MID1: variants seen among roughly 807,000 people sequenced by gnomAD.
MID1 encodes midline 1.
In MID1, 7 loss-of-function variants were observed where a neutral mutation model predicts 40.4. The ratio of observed to expected loss-of-function variants is 0.17; its 90% CI spans 0.10 to 0.33. The LOEUF is 0.33. MID1 is among the 10% of genes least tolerant of loss of function. The pLI is 1.00. For missense variants in MID1, 367 were observed against 558.5 expected (o/e 0.66, Z 3.46); for synonymous variants, 229 against 221.2 (o/e 1.04, Z -0.31).
chrX:10,632,254 C>T (rs1460414872), intron 1 of MID1, among the ~76,000 whole-genome samples: 4 of 111,722 alleles, frequency 3.6e-5, no homozygotes, highest in Admixed American at 2.9e-4. Flanking sequence ...AAAAAACAAA[C>T]GTAAATGAGC....
At chrX:10,760,186 G>A (rs1322422047) in intron 1 of MID1, among the ~76,000 whole-genome samples, 1 of 111,850 alleles carries the variant, frequency 8.9e-6, no homozygotes. Context: ...GGCAGGTGAA[G>A]GCTTGCACTC....
chrX:10,488,976 T>C (rs982263017), intron 4 of MID1, among the ~76,000 whole-genome samples: 1 of 110,362 alleles, frequency 9.1e-6, no homozygotes, highest in Non-Finnish European at 1.9e-5. Flanking sequence ...TCTCTCTCTA[T>C]ATATATATAT....
intron 7 of MID1, among the ~76,000 whole-genome samples, chrX:10,460,813 C>CT (rs1402830253): frequency 3.6e-5 from 4 of 110,999 alleles, no homozygotes; most frequent in African/African-American, 9.8e-5. Context: ...GTCCCTTAAT[C>CT]TTTTTTTGGT....
intron 1 of MID1, among the ~76,000 whole-genome samples, chrX:10,655,234 G>T (rs1320877508): frequency 9.0e-6 from 1 of 111,702 alleles, no homozygotes; most frequent in African/African-American, 3.3e-5. Context: ...CCAGAGAAAG[G>T]CAAAGAAAAC....
At position 10,713,113 on chromosome X, in the gene MID1, T is replaced by C. The variant is rs916657897; in HGVS notation, c.-186-92694A>G. Among the ~76,000 whole-genome samples the C allele has an allele frequency of 4.5e-5, 5 of 110,386 alleles. No individual in the cohort carries two copies. The East Asian group carries it at 8.7e-4, about 19-fold the overall frequency. Reference sequence around the variant, plus strand: ...GCCTCCCAAAGTGCTGGGATTACAGTTGTGAGCCACCACACCCGGCCAGCA... The same window carrying C: ...GCCTCCCAAAGTGCTGGGATTACAGCTGTGAGCCACCACACCCGGCCAGCA... On this transcript the variant is annotated intron_variant, in intron 1 of 10. Coordinates refer to the MID1 transcript ENST00000380785.
At chrX:10,612,382 C>G (rs899663533) in intron 1 of MID1, among the ~76,000 whole-genome samples, 1 of 112,029 alleles carries the variant, frequency 8.9e-6, no homozygotes, top group Non-Finnish European at 1.9e-5. Context: ...CTTTCCCCAT[C>G]ATATGTTGAC....
chrX:10,675,495 C>G (rs2043016764), intron 1 of MID1, among the ~76,000 whole-genome samples: 1 of 111,258 alleles, frequency 9.0e-6, no homozygotes, highest in Admixed American at 9.6e-5. Flanking sequence ...TCTGCCACTT[C>G]TCTCTTCTTC....
At chrX:10,578,327 T>C (rs1602429216) in intron 1 of MID1, among the ~76,000 whole-genome samples, 1 of 112,787 alleles carries the variant, frequency 8.9e-6, no homozygotes, top group East Asian at 2.8e-4. Context: ...ACATGGCTTT[T>C]GTTAAAACAA....
intron 1 of MID1, among the ~76,000 whole-genome samples, chrX:10,594,990 C>T (rs1303030987): frequency 1.8e-5 from 2 of 111,533 alleles, no homozygotes; most frequent in Admixed American, 9.5e-5. Context: ...TTCATATATC[C>T]ATAACTGGCA....
At chrX:10,482,060 T>A (rs527391511) in intron 5 of MID1, among the ~76,000 whole-genome samples, 29 of 110,528 alleles carry the variant, frequency 2.6e-4, no homozygotes, top group South Asian at 7.7e-4. Flanking sequence ...TGTGTGATTT[T>A]AAAAAAAAAT....
intron 1 of MID1, among the ~76,000 whole-genome samples, chrX:10,672,753 T>C (rs776976355): frequency 7.2e-5 from 8 of 111,505 alleles, no homozygotes; most frequent in Non-Finnish European, 1.3e-4. Context: ...GGCATGATTA[T>C]AGCTCATTGC....
At chrX:10,638,369 G>A (rs1394441739) in intron 1 of MID1, among the ~76,000 whole-genome samples, 4 of 112,296 alleles carry the variant, frequency 3.6e-5, no homozygotes, top group Non-Finnish European at 3.8e-5. Context: ...TCCTGCGCAT[G>A]GCTCGGAGGG....
Position 10,447,063 on chromosome X carries a change from GC to G in MID1, c.*2304del, listed in dbSNP as rs1928074439. On this transcript the variant is annotated 3_prime_UTR_variant, in exon 10 of 10. Coordinates refer to ENST00000317552, the MANE Select transcript of MID1 (RefSeq NM_000381.4). Reference sequence around the variant, plus strand: ...ATCATTATAGTAATTAAACACGGTGGCCTTTCACCATATACATATTTTCCTG... The same window carrying G: ...ATCATTATAGTAATTAAACACGGTGGCTTTCACCATATACATATTTTCCTG... 3 of 111,384 alleles carry G rather than the reference GC, an allele frequency of 2.7e-5. No individual in the cohort carries two copies. The Admixed American group carries it at 2.9e-4, about 11-fold the overall frequency. The allele number at this position is 111,384 out of a possible 1,213,427, so 9.2% of individuals were successfully genotyped here.
chrX:10,666,100 TA>T (rs752113089), intron 1 of MID1, among the ~76,000 whole-genome samples: 13 of 107,120 alleles, frequency 1.2e-4, no homozygotes, highest in Non-Finnish European at 1.9e-4. Context: ...TAAGTAAAAA[TA>T]AAAAAAGAGA....
chrX:10,701,103 TACTC>T (rs1293448092), intron 1 of MID1, among the ~76,000 whole-genome samples: 1 of 111,393 alleles, frequency 9.0e-6, no homozygotes, highest in African/African-American at 3.3e-5. Context: ...GAAAAGTAAA[TACTC>T]ACTCTAAAGC....
At chrX:10,671,915 C>T (rs1386794415) in intron 1 of MID1, among the ~76,000 whole-genome samples, 1 of 111,302 alleles carries the variant, frequency 9.0e-6, no homozygotes. Context: ...GGAATAAATA[C>T]ATATCAAGTT....
intron 7 of MID1, chrX:10,469,295 G>T: frequency 1.1e-6 from 1 of 889,113 alleles, no homozygotes; most frequent in Non-Finnish European, 1.4e-6. Context: ...GTTGCCCAGG[G>T]TTTATAGTTT....
intron 1 of MID1, among the ~76,000 whole-genome samples, chrX:10,696,128 A>T (rs1314893627): frequency 9.0e-6 from 1 of 111,593 alleles, no homozygotes; most frequent in Non-Finnish European, 1.9e-5. Context: ...CTTCCTGATA[A>T]GATCTCAGGA....
intron 1 of MID1, among the ~76,000 whole-genome samples, chrX:10,760,655 T>A (rs1020219512): frequency 9.0e-6 from 1 of 111,174 alleles, no homozygotes; most frequent in Non-Finnish European, 1.9e-5. Context: ...AAACCCCATC[T>A]CTACCAAAAA....
Sources: gnomAD v4.1 joint callset for allele counts (sites outside exome capture counted in the v4.1 genomes callset) on GRCh38, gnomAD v4.1.1 for gene constraint, MANE v1.5 for transcripts, NCBI Gene and HGNC (gene_info 2026-07-23, HGNC 2026-07-21) for gene names.